Variants in BRINP3 observed in about 807,000 individuals in gnomAD.
BRINP3 encodes the protein BMP/retinoic acid inducible neural specific 3.
In BRINP3, 19 loss-of-function variants were observed where a neutral mutation model predicts 71.0. The observed-to-expected ratio is 0.27, with a 90% CI of 0.19 to 0.39. The LOEUF (loss-of-function observed/expected upper bound fraction) is 0.39, where lower values mean the gene tolerates loss of function less well. BRINP3 is among the 10% of genes least tolerant of loss of function. The pLI, the probability that BRINP3 is intolerant of heterozygous loss-of-function variation, is 1.00. For missense variants in BRINP3, 959 were observed against 940.8 expected, an observed-to-expected ratio of 1.02 and a Z score of -0.25; for synonymous variants, 380 against 337.7, an observed-to-expected ratio of 1.13 and a Z score of -1.37.
intron 6 of BRINP3, among the ~76,000 whole-genome samples, chr1:190,165,645 T>A (rs1185525052): frequency 6.6e-6 from 1 of 151,136 alleles, no homozygotes; most frequent in Non-Finnish European, 1.5e-5. Context: ...GAGAACCACA[T>A]TTTCCTGGAA....
chr1:190,163,134 A>C (rs910089988), intron 6 of BRINP3, among the ~76,000 whole-genome samples: 1 of 152,094 alleles, frequency 6.6e-6, no homozygotes, highest in African/African-American at 2.4e-5. Context: ...TATTTATAGA[A>C]TACAGAAATA....
chr1:190,399,404 T>C (rs1671785401), intron 2 of BRINP3, among the ~76,000 whole-genome samples: 1 of 151,928 alleles, frequency 6.6e-6, no homozygotes, highest in Non-Finnish European at 1.5e-5. Flanking sequence ...TTTGTGCCCT[T>C]TCATCAAATT....
intron 2 of BRINP3, among the ~76,000 whole-genome samples, chr1:190,409,463 C>T (rs1672517334): frequency 6.6e-6 from 1 of 152,048 alleles, no homozygotes; most frequent in Admixed American, 6.6e-5. Context: ...AATATTTTCC[C>T]TTCTTTTTTC....
intron 2 of BRINP3, among the ~76,000 whole-genome samples, chr1:190,284,852 T>C (rs149220500): frequency 6.6e-6 from 1 of 152,012 alleles, no homozygotes; most frequent in South Asian, 2.1e-4. Flanking sequence ...TGTTAATAAC[T>C]AAAGAAAAAT....
intron 2 of BRINP3, among the ~76,000 whole-genome samples, chr1:190,318,736 C>T (rs1666046368): frequency 6.6e-6 from 1 of 152,060 alleles, no homozygotes; most frequent in Middle Eastern, 3.4e-3. Context: ...GGTTCCTCAT[C>T]CCTAAAATGA....
intron 6 of BRINP3, among the ~76,000 whole-genome samples, chr1:190,176,218 C>T (rs2102516309): frequency 6.6e-6 from 1 of 152,226 alleles, no homozygotes. Flanking sequence ...TCCACACTTC[C>T]CTAGGAAAGA....
chr1:190,168,790 CAT>C (rs1651774059), intron 6 of BRINP3, among the ~76,000 whole-genome samples: 1 of 152,140 alleles, frequency 6.6e-6, no homozygotes, highest in African/African-American at 2.4e-5. Flanking sequence ...AAAGCTTCAA[CAT>C]AGAGTCATTC....
In BRINP3 at chr1:190,371,098, T is replaced by G. The variant is rs370904021; in HGVS notation, c.236+83557A>C. On this transcript the variant is annotated intron_variant, in intron 2 of 7. Coordinates refer to ENST00000367462, the MANE Select transcript of BRINP3 (RefSeq NM_199051.3). ...CTAGCCTCTTATCACATCTTTGGTT[T>G]GCAAATATTTTATCCAAATTTGTAG... Among the ~76,000 whole-genome samples, 16 of 152,258 alleles carry G rather than the reference T, an allele frequency of 1.1e-4. 1 individual carries two copies. The East Asian group carries it at 3.1e-3, about 29-fold the overall frequency.
chr1:190,188,826 T>C (rs1278374552), intron 6 of BRINP3, among the ~76,000 whole-genome samples: 1 of 151,990 alleles, frequency 6.6e-6, no homozygotes, highest in East Asian at 1.9e-4. Flanking sequence ...AATGGCACGA[T>C]CTCGGCTCAC....
At position 190,098,765 on chromosome 1, in the gene BRINP3, G is replaced by C; in HGVS notation, c.1554C>G (p.Asp518Glu). Residue 518 changes from aspartate to glutamate, a missense_variant, in exon 8 of 8, where the codon GAC (aspartate) becomes GAG (glutamate). Physicochemically the swap from Asp to Glu is conservative, Grantham distance 45 (BLOSUM62 2). Coordinates refer to ENST00000367462, the MANE Select transcript of BRINP3 (RefSeq NM_199051.3). ...GATCAAACCAGCTATTGAGGCGCAT[G>C]TCATTGCTGATAAAAATGGCATGGA... ...IEVHAIFISN[D>E]MRLNSWFDPS... 6.2e-7 allele frequency: 1 copy of C among 1,614,204 alleles called. No homozygotes were observed. The highest frequency in any genetic ancestry group is 1.3e-5 in the African/African-American group (1 of 75,060).
intron 2 of BRINP3, among the ~76,000 whole-genome samples, chr1:190,340,518 C>T (rs1165257611): frequency 6.6e-6 from 1 of 151,792 alleles, no homozygotes; most frequent in Non-Finnish European, 1.5e-5. Flanking sequence ...AGTTTAATAT[C>T]TCTGGAATTA....
chr1:190,311,481 T>C (rs1451956314), intron 2 of BRINP3, among the ~76,000 whole-genome samples: 1 of 151,410 alleles, frequency 6.6e-6, no homozygotes, highest in Non-Finnish European at 1.5e-5. Context: ...AATTTGACGT[T>C]AGTAGCCAAA....
intron 6 of BRINP3, among the ~76,000 whole-genome samples, chr1:190,183,959 C>T (rs914874054): frequency 3.8e-4 from 58 of 152,104 alleles, no homozygotes; most frequent in African/African-American, 1.4e-3. Context: ...TGCCACTTTC[C>T]TGATTCTGTG....
intron 6 of BRINP3, among the ~76,000 whole-genome samples, chr1:190,163,010 T>C (rs987804818): frequency 6.6e-6 from 1 of 152,120 alleles, no homozygotes; most frequent in Non-Finnish European, 1.5e-5. Flanking sequence ...TGTGCAATAT[T>C]TTCAGATGTT....
At chr1:190,162,135 G>A (rs185718717) in intron 6 of BRINP3, among the ~76,000 whole-genome samples, 152 of 151,590 alleles carry the variant, frequency 1.0e-3, no homozygotes, top group Middle Eastern at 3.4e-3. Context: ...TTTATAGGGC[G>A]TATCTGTCCA....
chr1:190,136,410 T>A (rs1035780263), intron 7 of BRINP3, among the ~76,000 whole-genome samples: 1 of 152,120 alleles, frequency 6.6e-6, no homozygotes, highest in Non-Finnish European at 1.5e-5. Context: ...CCACCACAAC[T>A]GAACTCAGTT....
chr1:190,219,119 A>C (rs1200339188), intron 6 of BRINP3, among the ~76,000 whole-genome samples: 1 of 152,126 alleles, frequency 6.6e-6, no homozygotes, highest in Non-Finnish European at 1.5e-5. Context: ...TCACGGAGCA[A>C]GCATATTTAA....
intron 1 of BRINP3, among the ~76,000 whole-genome samples, chr1:190,455,896 A>G (rs1334616855): frequency 6.6e-6 from 1 of 152,194 alleles, no homozygotes; most frequent in Non-Finnish European, 1.5e-5. Flanking sequence ...TGCAATGTCT[A>G]TATGCTACAC....
intron 4 of BRINP3, among the ~76,000 whole-genome samples, chr1:190,248,157 G>A (rs1659785270): frequency 6.6e-6 from 1 of 151,682 alleles, no homozygotes; most frequent in Admixed American, 6.6e-5. Flanking sequence ...TTATTTTAGT[G>A]GGAAATCTGT....
Sources: gnomAD v4.1 joint callset for allele counts (sites outside exome capture counted in the v4.1 genomes callset) on GRCh38, gnomAD v4.1.1 for gene constraint, MANE v1.5 for transcripts, NCBI Gene and HGNC (gene_info 2026-07-23, HGNC 2026-07-21) for gene names.